The following ADARB2 variants were observed in gnomAD, a reference collection of about 807,000 sequenced individuals.
ADARB2 encodes inactive double-stranded RNA-specific editase B2.
A neutral mutation model predicts 62.2 loss-of-function variants in ADARB2; 25 were observed. The ratio of observed to expected loss-of-function variants is 0.40; its 90% CI spans 0.29 to 0.56. The LOEUF (loss-of-function observed/expected upper bound fraction) is 0.56. ADARB2 is among the 20% of genes least tolerant of loss of function. ADARB2 has a pLI of 0.43. For synonymous variants in ADARB2, 572 were observed against 500.8 expected, an observed-to-expected ratio of 1.14 and a Z score of -1.90; for missense variants, 1,071 against 1,077.4, an observed-to-expected ratio of 0.99 and a Z score of 0.08.
chr10:1,602,840 TAC>T (rs767492419), intron 1 of ADARB2, among the ~76,000 whole-genome samples: 4 of 150,800 alleles, frequency 2.7e-5, no homozygotes, highest in Non-Finnish European at 4.4e-5. Context: ...CATCTGTACA[TAC>T]ACACACCTCT....
intron 1 of ADARB2, among the ~76,000 whole-genome samples, chr10:1,384,081 G>A (rs1192016062): frequency 6.6e-6 from 1 of 152,194 alleles, no homozygotes; most frequent in Non-Finnish European, 1.5e-5. Flanking sequence ...TTAGGGTCTG[G>A]TTAATATTTT....
intron 3 of ADARB2, among the ~76,000 whole-genome samples, chr10:1,315,794 A>G (rs975384255): frequency 2.6e-5 from 4 of 152,244 alleles, no homozygotes; most frequent in African/African-American, 9.6e-5. Context: ...TATTATTTCC[A>G]TCGACCAAAA....
chr10:1,364,009 G>C (rs1430943248), intron 2 of ADARB2, 92 bp from the exon 3 acceptor site: 3 of 1,380,422 alleles, frequency 2.2e-6, no homozygotes, highest in Non-Finnish European at 1.9e-6. Flanking sequence ...CCGTCCCAGC[G>C]ACCTCGCCGC....
intron 1 of ADARB2, among the ~76,000 whole-genome samples, chr10:1,393,380 A>G (rs1279504505): frequency 6.6e-6 from 1 of 152,212 alleles, no homozygotes; most frequent in Non-Finnish European, 1.5e-5. Context: ...GATTATACTC[A>G]GTTATTTTAA....
intron 1 of ADARB2, among the ~76,000 whole-genome samples, chr10:1,448,779 T>C (rs1261173747): frequency 6.6e-6 from 1 of 152,112 alleles, no homozygotes. Context: ...TCAACAGCTT[T>C]CCTTTGTCGA....
chr10:1,672,145 G>A (rs952257082), intron 1 of ADARB2, among the ~76,000 whole-genome samples: 1 of 151,568 alleles, frequency 6.6e-6, no homozygotes, highest in Admixed American at 6.6e-5. Flanking sequence ...TGGGGTGGGT[G>A]TGGACAGCGG....
chr10:1,646,745 T>C (rs774509641), intron 1 of ADARB2, among the ~76,000 whole-genome samples: 4 of 152,214 alleles, frequency 2.6e-5, no homozygotes, highest in Non-Finnish European at 4.4e-5. Flanking sequence ...TCATTTGTTT[T>C]CACATGTGGG....
intron 1 of ADARB2, among the ~76,000 whole-genome samples, chr10:1,732,949 G>T (rs1315337474): frequency 1.3e-5 from 2 of 152,208 alleles, no homozygotes; most frequent in African/African-American, 4.8e-5. Flanking sequence ...ATGAGTCATG[G>T]CTTTACTTTT....
intron 3 of ADARB2, among the ~76,000 whole-genome samples, chr10:1,329,738 G>T (rs1831910564): frequency 6.6e-6 from 1 of 152,142 alleles, no homozygotes; most frequent in Non-Finnish European, 1.5e-5. Flanking sequence ...ACTGGTCCCT[G>T]ATTCTGGAGC....
At chr10:1,328,770 T>C (rs908155390) in intron 3 of ADARB2, among the ~76,000 whole-genome samples, 3 of 151,996 alleles carry the variant, frequency 2.0e-5, no homozygotes, top group Non-Finnish European at 4.4e-5. Flanking sequence ...GGCAGGAGGA[T>C]TACTTGGGCC....
chr10:1,578,016 A>C (rs1267323149), intron 1 of ADARB2, among the ~76,000 whole-genome samples: 1 of 152,034 alleles, frequency 6.6e-6, no homozygotes, highest in Non-Finnish European at 1.5e-5. Flanking sequence ...CTGATCTCAG[A>C]CTCCAGCCTC....
chr10:1,348,995 G>A (rs2131842953), intron 3 of ADARB2, among the ~76,000 whole-genome samples: 1 of 152,254 alleles, frequency 6.6e-6, no homozygotes. Context: ...TCAGGGGATG[G>A]GACTATGGAC....
chr10:1,344,561 C>T (rs892020937), intron 3 of ADARB2, among the ~76,000 whole-genome samples: 7 of 152,194 alleles, frequency 4.6e-5, no homozygotes, highest in Admixed American at 6.5e-5. Context: ...TGACCTGACC[C>T]GCCAGGCCGC....
chr10:1,245,140 A>T (rs1830972131), intron 4 of ADARB2, among the ~76,000 whole-genome samples: 1 of 152,118 alleles, frequency 6.6e-6, no homozygotes, highest in Admixed American at 6.5e-5. Context: ...ATGGTGCATG[A>T]GGACTTAGGA....
At chr10:1,226,739 G>A (rs1485519800) in intron 6 of ADARB2, among the ~76,000 whole-genome samples, 1 of 152,224 alleles carries the variant, frequency 6.6e-6, no homozygotes, top group Non-Finnish European at 1.5e-5. Context: ...TTGGTGAACC[G>A]CAGATGCTTC....
intron 1 of ADARB2, among the ~76,000 whole-genome samples, chr10:1,655,028 G>T (rs1834156883): frequency 6.6e-6 from 1 of 152,224 alleles, no homozygotes; most frequent in East Asian, 1.9e-4. Flanking sequence ...CGGTCGGGAG[G>T]AATCTCACTT....
intron 3 of ADARB2, among the ~76,000 whole-genome samples, chr10:1,320,979 T>C (rs532404954): frequency 6.6e-6 from 1 of 152,326 alleles, no homozygotes; most frequent in South Asian, 2.1e-4. Flanking sequence ...CATTGTTCAG[T>C]GGGAACATAT....
intron 1 of ADARB2, among the ~76,000 whole-genome samples, chr10:1,399,757 C>A (rs1232153427): frequency 6.6e-6 from 1 of 152,120 alleles, no homozygotes; most frequent in Non-Finnish European, 1.5e-5. Context: ...AACCACTGAC[C>A]AGGGAAGTTT....
intron 1 of ADARB2, among the ~76,000 whole-genome samples, chr10:1,383,278 A>C (rs1314208007): frequency 6.6e-6 from 1 of 152,024 alleles, no homozygotes; most frequent in Admixed American, 6.6e-5. Context: ...GAATTACTAC[A>C]CTGTCAGGGC....
Sources: gnomAD v4.1 joint callset for allele counts (sites outside exome capture counted in the v4.1 genomes callset) on GRCh38, gnomAD v4.1.1 for gene constraint, MANE v1.5 for transcripts, NCBI Gene and HGNC (gene_info 2026-07-23, HGNC 2026-07-21) for gene names.